Variants in CERS6 observed in about 807,000 individuals in gnomAD.
CERS6 encodes LAG1 homolog, ceramide synthase 6.
Under a neutral mutation model 56.8 loss-of-function variants are expected in CERS6, and 26 were observed. The ratio of observed to expected loss-of-function variants is 0.46; its 90% CI spans 0.34 to 0.63. The LOEUF (loss-of-function observed/expected upper bound fraction) is 0.63. CERS6 is among the 30% of genes least tolerant of loss of function. CERS6 has a pLI of 0.01. For synonymous variants in CERS6, 164 were observed against 173.3 expected, an observed-to-expected ratio of 0.95 and a Z score of 0.42; for missense variants, 415 against 467.5, an observed-to-expected ratio of 0.89 and a Z score of 1.04.
At position 168,772,467 on chromosome 2, in the gene CERS6, A is replaced by G. The variant is rs1018433943; in HGVS notation, c.*2805A>G. On this transcript the variant is annotated 3_prime_UTR_variant, in exon 10 of 10. Transcript: ENST00000305747. ...AAGTGATAAAACCAAAATATCACTG[A>G]CTCATCCCTACCCATATTCTTTTCA... is the stretch of plus-strand genomic sequence containing the variant. The G allele has an allele frequency of 3.3e-5, 5 of 152,528 alleles. No homozygotes were observed. The highest frequency in any genetic ancestry group is 2.1e-4 in the South Asian group (1 of 4,816). The allele number at this position is 152,528 out of a possible 1,614,324, so 9.4% of individuals were successfully genotyped here.
chr2:168,581,140 T>C (rs1050194813), intron 3 of CERS6, among the ~76,000 whole-genome samples: 13 of 152,064 alleles, frequency 8.5e-5, no homozygotes, highest in Non-Finnish European at 1.6e-4. Context: ...TGCCTCAGCT[T>C]CCCAAGTAGC....
chr2:168,680,102 A>G (rs1356231347), intron 4 of CERS6, among the ~76,000 whole-genome samples: 5 of 152,234 alleles, frequency 3.3e-5, no homozygotes, highest in Non-Finnish European at 5.9e-5. Context: ...TTGGAGGCAG[A>G]AAGCCAGCAA....
Position 168,714,984 on chromosome 2 carries a change from TTTC to T in CERS6, c.610-11_610-9del, listed in dbSNP as rs1687191925. On this transcript the variant is annotated splice_polypyrimidine_tract_variant and intron_variant, in intron 6 of 9. Transcript: ENST00000305747. ...ATGTTGCTAAACTCTAATATGGATG[TTTC>T]TTCTTTCCTCAAGGACTTTGGCATT... 6.3e-7 allele frequency: 1 copy of T among 1,597,108 alleles called. No homozygotes were observed. The highest frequency in any genetic ancestry group is 2.2e-5 in the East Asian group (1 of 44,556).
chr2:168,512,693 A>C (rs11884513), intron 1 of CERS6, among the ~76,000 whole-genome samples: 10,642 of 140,470 alleles, frequency 0.076, 721 homozygotes, highest in East Asian at 0.18. Context: ...TTAAAGACAG[A>C]GTCTCGCTCT....
At position 168,600,733 on chromosome 2, in the gene CERS6, C is replaced by T. The variant is rs114854076; in HGVS notation, c.408-30252C>T. Among the ~76,000 whole-genome samples the T allele has an allele frequency of 5.5e-3, 843 of 152,258 alleles. 6 individuals are homozygous for T. Among genetic ancestry groups the T allele is most frequent in the African/African-American group, 0.019 (777 of 41,536 alleles). On this transcript the variant is annotated intron_variant, in intron 3 of 9. Transcript: ENST00000305747. ...TCATTTCTTGACTGGAGATTCTAGA[C>T]TGTAAACATTCCTTAAAGGCATCTT...
chr2:168,550,790 G>C (rs1212965442), intron 2 of CERS6, among the ~76,000 whole-genome samples: 1 of 152,178 alleles, frequency 6.6e-6, no homozygotes, highest in Admixed American at 6.5e-5. Flanking sequence ...CAGCCCTACC[G>C]AGTCGCCCAC....
intron 1 of CERS6, among the ~76,000 whole-genome samples, chr2:168,514,354 TG>T (rs1317768506): frequency 1.3e-5 from 2 of 152,212 alleles, no homozygotes; most frequent in African/African-American, 2.4e-5. Context: ...ACCTCTAATA[TG>T]GCTTGCTTTT....
intron 1 of CERS6, among the ~76,000 whole-genome samples, chr2:168,467,496 T>C (rs1693901706): frequency 6.6e-6 from 1 of 152,250 alleles, no homozygotes; most frequent in Non-Finnish European, 1.5e-5. Context: ...ATTGTGTTGC[T>C]CTTTTGTATA....
At chr2:168,681,713 G>A (rs1686220714) in intron 4 of CERS6, among the ~76,000 whole-genome samples, 1 of 152,112 alleles carries the variant, frequency 6.6e-6, no homozygotes, top group South Asian at 2.1e-4. Flanking sequence ...GTGCCTGACA[G>A]TACTGTAGAG....
intron 1 of CERS6, among the ~76,000 whole-genome samples, chr2:168,546,941 C>T (rs1281101367): frequency 3.9e-5 from 6 of 152,184 alleles, no homozygotes; most frequent in Admixed American, 3.3e-4. Context: ...TTCCTCTTGA[C>T]GTAGGCATTG....
At chr2:168,580,879 T>G (rs1683391158) in intron 3 of CERS6, among the ~76,000 whole-genome samples, 2 of 152,208 alleles carry the variant, frequency 1.3e-5, no homozygotes. Context: ...CTGTCATTCC[T>G]TTGAAGATAA....
intron 2 of CERS6, among the ~76,000 whole-genome samples, chr2:168,554,844 G>T (rs1466280338): frequency 2.0e-5 from 3 of 152,042 alleles, no homozygotes; most frequent in Admixed American, 6.6e-5. Flanking sequence ...ATGAAAGGAA[G>T]AATTGACTTT....
At chr2:168,721,653 C>G (rs553506126) in intron 8 of CERS6, among the ~76,000 whole-genome samples, 2 of 147,946 alleles carry the variant, frequency 1.4e-5, no homozygotes, top group Non-Finnish European at 3.0e-5. Flanking sequence ...GGGTCTTGCT[C>G]TGTTGGCCAG....
chr2:168,508,878 T>A (rs1287597476), intron 1 of CERS6, among the ~76,000 whole-genome samples: 1 of 152,206 alleles, frequency 6.6e-6, no homozygotes, highest in East Asian at 1.9e-4. Flanking sequence ...AATTAAATTT[T>A]AAAAAGTATC....
intron 8 of CERS6, among the ~76,000 whole-genome samples, chr2:168,725,069 G>A (rs901931660): frequency 1.8e-4 from 27 of 152,248 alleles, no homozygotes; most frequent in Non-Finnish European, 1.2e-4. Flanking sequence ...GGCCCAGCGA[G>A]AAATCGAGCG....
At chr2:168,615,609 G>GA (rs1037252060) in intron 3 of CERS6, among the ~76,000 whole-genome samples, 1 of 152,046 alleles carries the variant, frequency 6.6e-6, no homozygotes, top group African/African-American at 2.4e-5. Flanking sequence ...CGAACAAGCA[G>GA]AAAAAAGAGT....
chr2:168,636,215 A>G (rs1258030149), intron 4 of CERS6, among the ~76,000 whole-genome samples: 3 of 152,162 alleles, frequency 2.0e-5, no homozygotes, highest in Non-Finnish European at 4.4e-5. Flanking sequence ...AACAAAAACC[A>G]ATTTCAGAAA....
intron 3 of CERS6, among the ~76,000 whole-genome samples, chr2:168,572,501 A>G (rs535977958): frequency 6.6e-6 from 1 of 151,818 alleles, no homozygotes; most frequent in Non-Finnish European, 1.5e-5. Flanking sequence ...ACAATGTTAG[A>G]GAAATTCAGT....
chr2:168,458,412 G>A (rs1189631404), intron 1 of CERS6, among the ~76,000 whole-genome samples: 5 of 152,206 alleles, frequency 3.3e-5, no homozygotes, highest in Non-Finnish European at 7.3e-5. Flanking sequence ...AATGGAGATG[G>A]CTTTGTACTT....
Sources: gnomAD v4.1 joint callset for allele counts (sites outside exome capture counted in the v4.1 genomes callset) on GRCh38, gnomAD v4.1.1 for gene constraint, MANE v1.5 for transcripts, NCBI Gene and HGNC (gene_info 2026-07-23, HGNC 2026-07-21) for gene names.